The following DLGAP2 variants were observed in gnomAD, a reference collection of about 807,000 sequenced individuals.
DLGAP2 encodes DLG associated protein 2, also known as disks large-associated protein 2.
A neutral mutation model predicts 100.3 loss-of-function variants in DLGAP2; 26 were observed. The ratio of observed to expected loss-of-function variants is 0.26; its 90% CI spans 0.19 to 0.36. DLGAP2 has a LOEUF of 0.36. Ranked by LOEUF, DLGAP2 falls within the 10% of genes least tolerant of loss-of-function variation. The pLI is 1.00. For missense variants in DLGAP2, 1,858 were observed against 1,453.2 expected (o/e 1.28, Z -4.53); for synonymous variants, 886 against 630.1 (o/e 1.41, Z -6.08).
At chr8:1,385,748 C>A (rs1217816733) in intron 3 of DLGAP2, among the ~76,000 whole-genome samples, 1 of 147,402 alleles carries the variant, frequency 6.8e-6, no homozygotes, top group Admixed American at 6.8e-5. Flanking sequence ...ACAGTTACCC[C>A]GGCCTATGCC....
intron 3 of DLGAP2, among the ~76,000 whole-genome samples, chr8:1,318,806 T>C (rs1800828315): frequency 1.1e-5 from 1 of 89,764 alleles, no homozygotes; most frequent in Non-Finnish European, 2.1e-5. Context: ...CGCCCATCCT[T>C]GGGGCCTCCA....
intron 1 of DLGAP2, chr8:892,980 T>G (rs1798067395): frequency 6.6e-6 from 1 of 151,222 alleles, no homozygotes; most frequent in Non-Finnish European, 1.5e-5. Flanking sequence ...TCTGTGGTTG[T>G]GCAAACAATG....
intron 3 of DLGAP2, among the ~76,000 whole-genome samples, chr8:1,412,812 C>G (rs938033224): frequency 1.3e-5 from 2 of 152,208 alleles, no homozygotes; most frequent in Non-Finnish European, 2.9e-5. Context: ...ACAGCCCTCC[C>G]CAGCAGATGG....
intron 2 of DLGAP2, among the ~76,000 whole-genome samples, chr8:1,203,956 A>C (rs1005547595): frequency 6.6e-6 from 1 of 152,300 alleles, no homozygotes; most frequent in African/African-American, 2.4e-5. Context: ...AAGTGTCAAA[A>C]AATAGGTCAC....
chr8:1,012,808 C>T (rs1277896347), intron 2 of DLGAP2, among the ~76,000 whole-genome samples: 1 of 151,364 alleles, frequency 6.6e-6, no homozygotes, highest in Non-Finnish European at 1.5e-5. Flanking sequence ...ACCCTCTGAC[C>T]AGCCCCCTAC....
Position 1,255,183 on chromosome 8 carries a change from ATCCTGCCTGG to A in DLGAP2, c.74-3667_74-3658del, listed in dbSNP as rs1799165525. On this transcript the variant is annotated intron_variant, in intron 2 of 14. Coordinates refer to ENST00000637795, the MANE Select transcript of DLGAP2 (RefSeq NM_001346810.2). ...CCGGGTGCTGTGTGTGTGCCCTCTC[ATCCTGCCTGG>A]GTGCTGTGTGTGTGCCCTCTCATCC... 7.2e-4 allele frequency among the ~76,000 whole-genome samples: 35 copies of A among 48,300 alleles called. 7 individuals are homozygous for A. The highest frequency in any genetic ancestry group is 3.6e-3 in the African/African-American group (34 of 9,326). 31.7% of individuals were successfully genotyped at this position (48,300 alleles called of 152,430 possible). A position where few individuals can be genotyped will look rare whatever the true frequency, so the allele number is the denominator to read the frequency against.
chr8:1,096,802 T>C (rs1346565307), intron 2 of DLGAP2, among the ~76,000 whole-genome samples: 387 of 71,430 alleles, frequency 5.4e-3, no homozygotes, highest in Middle Eastern at 0.011. Context: ...TCCCCTCCAG[T>C]GTGAGACCCA....
rs551307192 is a variant in DLGAP2 at position 790,871 on chromosome 8, G to A, written c.18+53046G>A. Among the ~76,000 whole-genome samples the A allele has an allele frequency of 2.0e-3, 307 of 152,056 alleles. 2 individuals are homozygous for A. The highest frequency in any genetic ancestry group is 0.017 in the Middle Eastern group (5 of 294). The stretch of plus-strand genomic sequence containing the variant: ...AGTGATCCTCCTGCCTCAGCCTCCT[G>A]AGTAGCTGGGACTACAGGTGCACGC... On this transcript the variant is annotated intron_variant, in intron 1 of 14. Coordinates refer to ENST00000637795, the MANE Select transcript of DLGAP2 (RefSeq NM_001346810.2).
chr8:882,472 C>G (rs1247399797), intron 1 of DLGAP2, among the ~76,000 whole-genome samples: 2 of 134,272 alleles, frequency 1.5e-5, no homozygotes, highest in African/African-American at 2.8e-5. Flanking sequence ...CTCCTGCGGG[C>G]ACCCTCGCCT....
intron 2 of DLGAP2, among the ~76,000 whole-genome samples, chr8:1,193,852 G>A (rs553366795): frequency 3.2e-4 from 49 of 151,740 alleles, no homozygotes; most frequent in Non-Finnish European, 6.9e-4. Context: ...AGATCCCAGC[G>A]TCGGCCTCTA....
intron 2 of DLGAP2, chr8:1,247,122 A>G (rs1798924771): frequency 1.7e-5 from 3 of 175,758 alleles, no homozygotes; most frequent in South Asian, 8.5e-5. Flanking sequence ...TCAGAGTGGG[A>G]GTGATGGCCC....
chr8:1,372,213 G>A (rs1802256023), intron 3 of DLGAP2, among the ~76,000 whole-genome samples: 1 of 87,854 alleles, frequency 1.1e-5, no homozygotes, highest in African/African-American at 3.9e-5. Flanking sequence ...TGCTGCCAAC[G>A]CTGGGACGCT....
chr8:862,856 T>C (rs1422941423), intron 1 of DLGAP2, among the ~76,000 whole-genome samples: 1 of 152,202 alleles, frequency 6.6e-6, no homozygotes, highest in East Asian at 1.9e-4. Context: ...TCTCTGATCA[T>C]GATGTTGTTT....
At chr8:1,504,089 T>C (rs985956956) in intron 4 of DLGAP2, among the ~76,000 whole-genome samples, 1 of 152,144 alleles carries the variant, frequency 6.6e-6, no homozygotes, top group Non-Finnish European at 1.5e-5. Flanking sequence ...CCTGGTTCTA[T>C]GTCAGTCAGG....
chr8:845,890 T>C (rs184471243), intron 1 of DLGAP2, among the ~76,000 whole-genome samples: 116 of 152,374 alleles, frequency 7.6e-4, no homozygotes, highest in Non-Finnish European at 1.4e-3. Context: ...TGTCCAGCTT[T>C]CCTGGTACCA....
chr8:816,823 G>A (rs1772188416), intron 1 of DLGAP2, among the ~76,000 whole-genome samples: 1 of 152,118 alleles, frequency 6.6e-6, no homozygotes. Flanking sequence ...TTTCCAAATG[G>A]TTAGATTTCT....
chr8:789,767 G>T (rs976882371), intron 1 of DLGAP2, among the ~76,000 whole-genome samples: 3 of 152,206 alleles, frequency 2.0e-5, no homozygotes, highest in Non-Finnish European at 4.4e-5. Flanking sequence ...GCCCTGCTTG[G>T]CAAAGCCGGC....
intron 3 of DLGAP2, among the ~76,000 whole-genome samples, chr8:1,352,957 C>G (rs984962252): frequency 5.9e-5 from 9 of 152,202 alleles, no homozygotes; most frequent in African/African-American, 2.2e-4. Context: ...TGTTCCAGAG[C>G]TCTGAGTCCA....
chr8:1,637,563 TCA>T (rs1797798072), intron 8 of DLGAP2, among the ~76,000 whole-genome samples: 1 of 152,038 alleles, frequency 6.6e-6, no homozygotes, highest in Non-Finnish European at 1.5e-5. Context: ...ATGAAAAAAG[TCA>T]CACATGATCA....
Sources: allele counts gnomAD v4.1 joint callset (sites outside exome capture counted in the v4.1 genomes callset), GRCh38; gene constraint gnomAD v4.1.1; transcripts MANE v1.5; gene names NCBI Gene and HGNC (gene_info 2026-07-23, HGNC 2026-07-21).